Variants in PCNX2 observed in about 807,000 individuals in gnomAD.
PCNX2 encodes pecanex-like protein 2.
Under a neutral mutation model 223.8 loss-of-function variants are expected in PCNX2, and 168 were observed. The observed-to-expected ratio is 0.75, with a 90% CI of 0.66 to 0.85. The LOEUF is 0.85. PCNX2 is among the 40% of genes least tolerant of loss of function. The pLI, the probability that PCNX2 is intolerant of heterozygous loss-of-function variation, is 0.00. For missense variants in PCNX2, 2,507 were observed against 2,675.5 expected (o/e 0.94, Z 1.39); for synonymous variants, 1,006 against 1,052.6 (o/e 0.96, Z 0.86).
intron 17 of PCNX2, among the ~76,000 whole-genome samples, chr1:233,174,762 A>G (rs930256609): frequency 7.2e-5 from 11 of 152,336 alleles, no homozygotes; most frequent in South Asian, 6.2e-4. Flanking sequence ...CTGTGCTAAT[A>G]AGACAAATAG....
intron 21 of PCNX2, among the ~76,000 whole-genome samples, chr1:233,128,737 C>T (rs992633864): frequency 6.6e-6 from 1 of 152,212 alleles, no homozygotes; most frequent in African/African-American, 2.4e-5. Flanking sequence ...AACCAAATAT[C>T]CTCATCTGCA....
At chr1:233,132,811 C>T (rs1047321729) in intron 21 of PCNX2, among the ~76,000 whole-genome samples, 2 of 151,384 alleles carry the variant, frequency 1.3e-5, no homozygotes, top group Admixed American at 1.3e-4. Context: ...AACTGAGGCT[C>T]AGAAAGGAAT....
intron 21 of PCNX2, among the ~76,000 whole-genome samples, chr1:233,129,312 G>A (rs901107342): frequency 1.3e-5 from 2 of 150,764 alleles, no homozygotes; most frequent in East Asian, 2.0e-4. Flanking sequence ...TGCTGCCCTC[G>A]ATTTCTCGCC....
At chr1:233,107,040 TAA>T (rs199690728) in intron 21 of PCNX2, among the ~76,000 whole-genome samples, 3,264 of 151,282 alleles carry the variant, frequency 0.022, 36 homozygotes, top group East Asian at 0.043. Context: ...CGAGTTAACT[TAA>T]AAAAAAAGTA....
intron 23 of PCNX2, among the ~76,000 whole-genome samples, chr1:233,083,366 C>A (rs924900586): frequency 3.3e-5 from 5 of 152,152 alleles, no homozygotes; most frequent in African/African-American, 1.2e-4. Flanking sequence ...CGTCTTGATG[C>A]TGTGTCAGCA....
At chr1:233,119,422 A>T (rs1675624698) in intron 21 of PCNX2, among the ~76,000 whole-genome samples, 1 of 123,450 alleles carries the variant, frequency 8.1e-6, no homozygotes, top group African/African-American at 2.8e-5. Context: ...AAAAAAAAAA[A>T]AAAAAAAAAA....
rs3766474 is a variant in PCNX2, at chr1:233,056,578, G to A, written c.4135+654C>T. 8.3e-4 allele frequency among the ~76,000 whole-genome samples: 127 copies of A among 152,148 alleles called. 1 individual carries two copies. In the East Asian group the frequency reaches 0.022, roughly 27 times the overall value. On this transcript the variant is annotated intron_variant, in intron 24 of 33. Coordinates refer to ENST00000258229, the MANE Select transcript of PCNX2 (RefSeq NM_014801.4). ...TCTCTCTCCAGGTATCTCAAATTTC[G>A]AATTTTGATTTCGAATTAATCATGT...
intron 8 of PCNX2, among the ~76,000 whole-genome samples, chr1:233,245,923 A>AAAACAAAT (rs1553321954): frequency 2.5e-4 from 38 of 152,014 alleles, no homozygotes; most frequent in Middle Eastern, 3.4e-3. Context: ...CTCAAAAAAC[A>AAAACAAAT]AAACAAACAA....
At chr1:233,207,874 GA>G (rs1390388478) in intron 13 of PCNX2, among the ~76,000 whole-genome samples, 2 of 152,148 alleles carry the variant, frequency 1.3e-5, no homozygotes, top group Non-Finnish European at 2.9e-5. Context: ...CCTGGACTGA[GA>G]ACCGTGCCCA....
At chr1:233,103,353 T>C (rs1249936846) in intron 21 of PCNX2, among the ~76,000 whole-genome samples, 3 of 152,156 alleles carry the variant, frequency 2.0e-5, no homozygotes, top group Admixed American at 6.6e-5. Context: ...CCTTGTTATG[T>C]TATCAAACAC....
chr1:233,289,346 C>G, intron 1 of PCNX2: 4 of 1,122,932 alleles, frequency 3.6e-6, no homozygotes, highest in Non-Finnish European at 5.5e-6. Context: ...CCTTGAGGTC[C>G]AAGTTCATCT....
intron 13 of PCNX2, chr1:233,202,089 T>C (rs1681148938): frequency 6.9e-6 from 3 of 431,850 alleles, no homozygotes; most frequent in Non-Finnish European, 1.4e-5. Flanking sequence ...AGGGAGTCCA[T>C]GTGTCTCATC....
intron 15 of PCNX2, among the ~76,000 whole-genome samples, chr1:233,187,070 T>C (rs1332944815): frequency 6.6e-6 from 1 of 152,204 alleles, no homozygotes; most frequent in Non-Finnish European, 1.5e-5. Context: ...AGTCTGTGAC[T>C]TCAAGGAGCA....
intron 17 of PCNX2, among the ~76,000 whole-genome samples, chr1:233,166,980 T>C (rs1649943771): frequency 6.6e-6 from 1 of 151,718 alleles, no homozygotes. Flanking sequence ...CATCTCTATA[T>C]TTAAAAAAAA....
Position 233,000,523 on chromosome 1 carries a change from A to G in PCNX2, c.5110T>C (p.Cys1704Arg). The G allele has an allele frequency of 6.3e-7, 1 of 1,595,450 alleles. No individual in the cohort carries two copies. Among genetic ancestry groups the G allele is most frequent in the East Asian group, 2.2e-5 (1 of 44,494 alleles). Residue 1704 changes from cysteine to arginine, a missense_variant, in exon 30 of 34, where the codon TGC becomes CGC. Around this residue, in one of 3 missense-constraint regions of PCNX2, gnomAD observed 1,372 missense variants for 1,509.4 expected, o/e 0.91. Coordinates refer to ENST00000258229, the MANE Select transcript of PCNX2 (RefSeq NM_014801.4). This position sits in a 1 kb window ranked among gnomAD's most constrained non-coding sequence, Gnocchi z 4.6. The stretch of plus-strand genomic sequence containing the variant: ...GCTGGGTCTTCATACTCGTCAGGGC[A>G]AGTGAACTGGTCCTGGTGGGAAGAA... ...SLKLHQDQFTCPDEYEDPAVL... is the reference protein window; with the variant it reads ...SLKLHQDQFTRPDEYEDPAVL...
intron 32 of PCNX2, among the ~76,000 whole-genome samples, chr1:232,992,878 T>C (rs1389033606): frequency 6.6e-6 from 1 of 152,204 alleles, no homozygotes; most frequent in East Asian, 1.9e-4. Context: ...CCTGCTGCCA[T>C]GTAAGACACA....
At chr1:233,061,679 G>C (rs778404822) in intron 23 of PCNX2, among the ~76,000 whole-genome samples, 33 of 152,278 alleles carry the variant, frequency 2.2e-4, no homozygotes, top group Non-Finnish European at 4.3e-4. Context: ...TGAAGGTTTT[G>C]AGCAACCAAC....
At chr1:233,202,442 G>A (rs1681174927) in intron 13 of PCNX2, among the ~76,000 whole-genome samples, 1 of 152,150 alleles carries the variant, frequency 6.6e-6, no homozygotes, top group Non-Finnish European at 1.5e-5. Context: ...TCAAATGTGA[G>A]TGATATAAAT....
chr1:233,028,914 C>G (rs888386303), intron 25 of PCNX2, among the ~76,000 whole-genome samples: 8 of 149,006 alleles, frequency 5.4e-5, no homozygotes, highest in African/African-American at 2.0e-4. Flanking sequence ...TCTCAGCTCA[C>G]TGCAACCTCT....
Sources: gnomAD v4.1 joint callset for allele counts (sites outside exome capture counted in the v4.1 genomes callset) on GRCh38, gnomAD v4.1.1 for gene constraint, gnomAD v4.1.1 regional missense constraint, Gnocchi (gnomAD v3.1) non-coding constraint, MANE v1.5 for transcripts, NCBI Gene and HGNC (gene_info 2026-07-23, HGNC 2026-07-21) for gene names.